The following CAB39 variants were observed in gnomAD, a reference collection of about 807,000 sequenced individuals.
The protein encoded by CAB39 is calcium-binding protein 39.
In CAB39, 8 loss-of-function variants were observed where a neutral mutation model predicts 40.0. That is an observed-to-expected ratio of 0.20 (90% CI 0.12 to 0.36). The LOEUF (loss-of-function observed/expected upper bound fraction) is 0.36. Among genes scored for constraint, CAB39 ranks in the 10% least tolerant of loss-of-function variants. The probability of loss-of-function intolerance (pLI) is 1.00; values close to 1 mark genes in which losing one functional copy is unlikely to be tolerated. For synonymous variants in CAB39, 156 were observed against 141.6 expected (o/e 1.10, Z -0.72); for missense variants, 270 against 401.1 (o/e 0.67, Z 2.79).
At chr2:230,727,401 T>TGTGTGTGTGTG (rs1491396666) in intron 1 of CAB39, among the ~76,000 whole-genome samples, 28 of 144,218 alleles carry the variant, frequency 1.9e-4, no homozygotes, top group African/African-American at 6.8e-4. Context: ...TGTGTGTGTA[T>TGTGTGTGTGTG]TTTTTTTTCT....
At chr2:230,781,775 G>C (rs1418174880) in intron 2 of CAB39, among the ~76,000 whole-genome samples, 1 of 152,226 alleles carries the variant, frequency 6.6e-6, no homozygotes, top group Non-Finnish European at 1.5e-5. Context: ...CAGGCCAGAG[G>C]TGGGGCCCTA....
chr2:230,761,131 A>C (rs1295064058), intron 2 of CAB39, among the ~76,000 whole-genome samples: 1 of 152,106 alleles, frequency 6.6e-6, no homozygotes, highest in East Asian at 1.9e-4. Flanking sequence ...CCCATGTCTA[A>C]ATATGAAATT....
chr2:230,797,033 A>T (rs1232115397), intron 4 of CAB39, among the ~76,000 whole-genome samples: 24 of 152,194 alleles, frequency 1.6e-4, no homozygotes, highest in Admixed American at 1.6e-3. Context: ...AGAAGAAATC[A>T]TTTTAAGCTC....
At chr2:230,774,324 C>T (rs1288876830) in intron 2 of CAB39, among the ~76,000 whole-genome samples, 2 of 152,108 alleles carry the variant, frequency 1.3e-5, no homozygotes, top group African/African-American at 4.8e-5. Context: ...TTATATGGTA[C>T]ATAGTTACCA....
intron 7 of CAB39, among the ~76,000 whole-genome samples, chr2:230,816,292 A>G (rs1383869530): frequency 6.6e-6 from 1 of 152,240 alleles, no homozygotes; most frequent in South Asian, 2.1e-4. Flanking sequence ...AAAGAATTAC[A>G]TATTTGAAGT....
intron 1 of CAB39, among the ~76,000 whole-genome samples, chr2:230,729,772 G>A (rs1694654553): frequency 1.3e-5 from 2 of 151,848 alleles, no homozygotes; most frequent in Non-Finnish European, 2.9e-5. Context: ...TAGTAAGATG[G>A]TTTTATACCA....
At position 230,735,323 on chromosome 2, in the gene CAB39, C is replaced by G. The variant is rs554724702; in HGVS notation, c.-44+22093C>G. The stretch of plus-strand genomic sequence containing the variant: ...CTGGGATTACAGGCACTTGCCACCA[C>G]GCCTGGCTTATTTTTGTATTTTTAG... On this transcript the variant is annotated intron_variant, in intron 1 of 8. Coordinates refer to ENST00000258418, the MANE Select transcript of CAB39 (RefSeq NM_016289.4). Among the ~76,000 whole-genome samples the G allele has an allele frequency of 2.6e-5, 4 of 151,866 alleles. No individual in the cohort carries two copies. The South Asian group carries it at 8.3e-4, about 32-fold the overall frequency.
chr2:230,792,031 A>G (rs1029705887), intron 3 of CAB39, among the ~76,000 whole-genome samples: 11 of 152,240 alleles, frequency 7.2e-5, no homozygotes, highest in African/African-American at 1.9e-4. Flanking sequence ...TGACAGACGT[A>G]TAGCCAGATT....
chr2:230,810,714 A>G (rs901638612), intron 6 of CAB39, among the ~76,000 whole-genome samples: 1 of 152,256 alleles, frequency 6.6e-6, no homozygotes, highest in Non-Finnish European at 1.5e-5. Context: ...AGCACTGGCC[A>G]GAGGGGACGG....
chr2:230,789,807 A>G (rs756413240), intron 2 of CAB39, among the ~76,000 whole-genome samples: 2 of 152,186 alleles, frequency 1.3e-5, no homozygotes, highest in African/African-American at 2.4e-5. Flanking sequence ...CTAATGGAGA[A>G]CACCTCTTCT....
intron 1 of CAB39, among the ~76,000 whole-genome samples, chr2:230,726,355 A>G (rs552936533): frequency 4.0e-5 from 6 of 151,662 alleles, no homozygotes; most frequent in Admixed American, 3.3e-4. Context: ...TTTTTCCAGT[A>G]GAGATGGGGT....
chr2:230,713,897 T>TTATC (rs1396941494), intron 1 of CAB39: 3 of 151,570 alleles, frequency 2.0e-5, no homozygotes. Context: ...GGGAAGGAGG[T>TTATC]GATAAGTCCT....
chr2:230,795,168 C>T (rs1240416549), intron 4 of CAB39, among the ~76,000 whole-genome samples: 5 of 151,478 alleles, frequency 3.3e-5, no homozygotes, highest in African/African-American at 7.3e-5. Flanking sequence ...CCCAGCTATT[C>T]GGGAGGCTGA....
Position 230,793,246 on chromosome 2 carries a change from A to G in CAB39, c.313A>G (p.Ile105Val). Residue 105 changes from isoleucine (I) to valine (V), a missense_variant, in exon 4 of 9, where the codon ATT becomes GTT. Ile to Val is a conservative substitution (Grantham distance 29, BLOSUM62 3). Coordinates refer to ENST00000258418, the MANE Select transcript of CAB39 (RefSeq NM_016289.4). ...AGACGTGGCTCAAATTTTCAACAAT[A>G]TTCTCAGAAGACAAATTGGTACGAG... ...KKDVAQIFNN[I>V]LRRQIGTRTP... 1 of 1,612,378 alleles carries G rather than the reference A, an allele frequency of 6.2e-7. No individual in the cohort carries two copies.
At chr2:230,817,650 C>G in intron 7 of CAB39, 104 bp from the exon 8 acceptor site, 1 of 863,986 alleles carries the variant, frequency 1.2e-6, no homozygotes, top group Non-Finnish European at 1.7e-6. Flanking sequence ...TTTTGAGTGC[C>G]TACTAATACT....
chr2:230,723,112 T>C (rs183423770), intron 1 of CAB39, among the ~76,000 whole-genome samples: 237 of 152,302 alleles, frequency 1.6e-3, no homozygotes, highest in Admixed American at 4.1e-3. Flanking sequence ...AACCTATTAA[T>C]TTAGCTTTCT....
chr2:230,811,305 GT>G (rs563428012), intron 6 of CAB39, among the ~76,000 whole-genome samples: 3 of 152,160 alleles, frequency 2.0e-5, no homozygotes, highest in East Asian at 1.9e-4. Flanking sequence ...TCTTTTGTGG[GT>G]TTTTTTCCCT....
chr2:230,755,152 C>A (rs943840841), intron 1 of CAB39, among the ~76,000 whole-genome samples: 4 of 152,092 alleles, frequency 2.6e-5, no homozygotes, highest in African/African-American at 9.7e-5. Context: ...TGGGTAGATA[C>A]CCAGTAGTGG....
intron 1 of CAB39, among the ~76,000 whole-genome samples, chr2:230,714,747 T>C (rs2124841532): frequency 6.6e-6 from 1 of 152,352 alleles, no homozygotes. Flanking sequence ...GAAATCTTTA[T>C]AGTAGAGCCA....
Sources: gnomAD v4.1 joint callset for allele counts (sites outside exome capture counted in the v4.1 genomes callset) on GRCh38, gnomAD v4.1.1 for gene constraint, MANE v1.5 for transcripts, NCBI Gene and HGNC (gene_info 2026-07-23, HGNC 2026-07-21) for gene names.